TMF1: variants seen among roughly 807,000 people sequenced by gnomAD.
TMF1 encodes TATA element modulatory factor.
TMF1 carries 71 observed loss-of-function variants against 126.5 expected under a neutral mutation model. The observed-to-expected ratio is 0.56, with a 90% confidence interval of 0.46 to 0.68. The LOEUF is 0.68. TMF1 is among the 30% of genes least tolerant of loss of function. TMF1 has a pLI of 0.00. For missense variants in TMF1, 1,259 were observed against 1,253.2 expected, an observed-to-expected ratio of 1.00 and a Z score of -0.07; for synonymous variants, 461 against 430.5, an observed-to-expected ratio of 1.07 and a Z score of -0.88.
In TMF1 at chr3:69,044,551, CTG is replaced by C; in HGVS notation, c.1390_1391del (p.Gln464ValfsTer5). 1 of 1,609,616 alleles carries C rather than the reference CTG, an allele frequency of 6.2e-7. No homozygotes were observed. Among genetic ancestry groups the C allele is most frequent in the Non-Finnish European group, 8.5e-7 (1 of 1,178,818 alleles). ...CTTTTTCCTTACTAAGAGATAATAA[CTG>C]AGCCTCCCTTTTTTCCAGCTTTTCA... ...LNEKLEKREAQLLSLSKEKAL... is the reference protein window; with the variant it reads ...LNEKLEKREAXLLSLSKEKAL... On this transcript the variant is annotated frameshift_variant, in exon 3 of 17. Coordinates refer to ENST00000398559, the MANE Select transcript of TMF1 (RefSeq NM_007114.3). LOFTEE classifies it high-confidence loss of function.
Position 69,029,939 on chromosome 3 carries a change from T to C in TMF1, c.2470A>G (p.Asn824Asp), listed in dbSNP as rs1279202747. The C allele has an allele frequency of 6.2e-7, 1 of 1,614,182 alleles. No homozygotes were observed. Among genetic ancestry groups the C allele is most frequent in the Admixed American group, 1.7e-5 (1 of 60,026 alleles). Residue 824 changes from asparagine (N) to aspartate (D), a missense_variant, in exon 11 of 17, where the codon AAC becomes GAC. Transcript: ENST00000398559. ...TCCATGGAAGACATCTGAATTTTGTTAGCAAGGAGTTCTTCTGTAGCTGCA... is the reference window on the plus strand; with the variant it reads ...TCCATGGAAGACATCTGAATTTTGTCAGCAAGGAGTTCTTCTGTAGCTGCA... ...ERAATEELLA[N>D]KIQMSSMESQ...
At chr3:69,051,435 A>G (rs949389982) in intron 1 of TMF1, among the ~76,000 whole-genome samples, 2 of 152,162 alleles carry the variant, frequency 1.3e-5, no homozygotes, top group African/African-American at 4.8e-5. Context: ...AGATCGCGCC[A>G]CTGCACTCCA....
At chr3:69,045,030 A>C (rs1284103436) in intron 2 of TMF1, among the ~76,000 whole-genome samples, 1 of 152,240 alleles carries the variant, frequency 6.6e-6, no homozygotes, top group Non-Finnish European at 1.5e-5. Flanking sequence ...AGATGGATGC[A>C]ATCAAAAGAG....
rs1436633177 is a variant in TMF1 at position 69,048,058 on chromosome 3, T to C, written c.647A>G (p.Gln216Arg). 11 of 1,614,148 alleles carry C rather than the reference T, an allele frequency of 6.8e-6. No homozygotes were observed. The highest frequency in any genetic ancestry group is 9.3e-6 in the Non-Finnish European group (11 of 1,180,044). Reference protein sequence around the residue: ...TMESISNTSTQSLTAETKDIA... With the variant: ...TMESISNTSTRSLTAETKDIA... ...GTCCTTTGTTTCTGCTGTGAGAGAC[T>C]GCGTAGACGTATTAGATATACTTTC... The change falls in exon 2 of 17, where the codon CAG becomes CGG. Residue 216 changes from glutamine to arginine, a missense_variant. By Grantham distance (43) the Gln-to-Arg change is conservative. Transcript: ENST00000398559.
intron 8 of TMF1, among the ~76,000 whole-genome samples, chr3:69,037,567 G>A (rs2091839365): frequency 1.3e-5 from 2 of 152,238 alleles, no homozygotes; most frequent in South Asian, 4.1e-4. Flanking sequence ...ACTTGCACCT[G>A]GGAGGTGGAG....
chr3:69,047,633 T>A lies in TMF1; in HGVS notation c.1072A>T (p.Ile358Phe). The A allele has an allele frequency of 6.2e-7, 1 of 1,614,140 alleles. No individual in the cohort carries two copies. The highest frequency in any genetic ancestry group is 8.5e-7 in the Non-Finnish European group (1 of 1,180,028). Reference protein sequence around the residue: ...LSGKGYALVPIIVNSSTPKSK... With the variant: ...LSGKGYALVPFIVNSSTPKSK... ...TTTGGAGTTGAAGAATTAACTATAA[T>A]AGGCACTAAAGCATATCCCTTGCCT... The change falls in exon 2 of 17, where the codon ATT becomes TTT. Residue 358 changes from isoleucine (I) to phenylalanine (F), a missense_variant. Coordinates refer to ENST00000398559, the MANE Select transcript of TMF1 (RefSeq NM_007114.3).
In TMF1 at chr3:69,048,456, C is replaced by T; in HGVS notation, c.249G>A (p.Lys83=). The part of the protein sequence containing the change: ...PPIASPKAIT[K]PVRRTVVDES... Reference sequence around the variant, plus strand: ...CATCGACCACAGTCCTCCGAACTGGCTTTGTGATTGCTTTAGGAGAGGCTA... The same window carrying T: ...CATCGACCACAGTCCTCCGAACTGGTTTTGTGATTGCTTTAGGAGAGGCTA... Residue 83 remains lysine (K), a synonymous_variant, in exon 2 of 17, where the codon AAG becomes AAA. Coordinates refer to ENST00000398559, the MANE Select transcript of TMF1 (RefSeq NM_007114.3). The T allele has an allele frequency of 6.2e-7, 1 of 1,614,168 alleles. No homozygotes were observed. Among genetic ancestry groups the T allele is most frequent in the South Asian group, 1.1e-5 (1 of 91,084 alleles).
chr3:69,033,473 T>C (rs1575812254), intron 10 of TMF1, 75 bp downstream of exon 10: 1 of 1,463,076 alleles, frequency 6.8e-7, no homozygotes, highest in South Asian at 1.4e-5. Flanking sequence ...TGAATTTCAA[T>C]TTCATACCAT....
intron 1 of TMF1, 74 bp from the exon 2 acceptor site, chr3:69,048,636 A>T: frequency 1.5e-6 from 2 of 1,310,734 alleles, no homozygotes; most frequent in Non-Finnish European, 2.0e-6. Context: ...ATTATAAATC[A>T]GTATAAATAT....
At position 69,023,159 on chromosome 3, in the gene TMF1, G is replaced by A. The variant is rs1264687591; in HGVS notation, c.*18C>T. The A allele has an allele frequency of 4.4e-6, 7 of 1,601,154 alleles. No individual in the cohort carries two copies. Among genetic ancestry groups the A allele is most frequent in the African/African-American group, 1.3e-5 (1 of 74,416 alleles). ...TAAATGCTTACATTCAGTTTGATGGGAATTCAATTTTCACAAGTTAACTGA... is the reference window on the plus strand; with the variant it reads ...TAAATGCTTACATTCAGTTTGATGGAAATTCAATTTTCACAAGTTAACTGA... On this transcript the variant is annotated 3_prime_UTR_variant, in exon 17 of 17. Coordinates refer to ENST00000398559, the MANE Select transcript of TMF1 (RefSeq NM_007114.3).
intron 14 of TMF1, 39 bp downstream of exon 14, chr3:69,025,957 A>ATTC: frequency 6.7e-7 from 1 of 1,497,872 alleles, no homozygotes; most frequent in Non-Finnish European, 9.2e-7. Context: ...CTTTATTATT[A>ATTC]TTCTAAGAAC....
intron 1 of TMF1, chr3:69,049,009 CCCTA>C (rs1465866748): frequency 6.4e-6 from 1 of 155,896 alleles, no homozygotes; most frequent in Non-Finnish European, 1.4e-5. Flanking sequence ...AGAAAAATGA[CCCTA>C]CCTATTCAGT....
chr3:69,050,233 C>A (rs1298353721), intron 1 of TMF1, among the ~76,000 whole-genome samples: 1 of 148,518 alleles, frequency 6.7e-6, no homozygotes. Context: ...GCACTCCAGC[C>A]TGGATGACAG....
In TMF1 at chr3:69,052,095, C is replaced by T; in HGVS notation, c.-9G>A. ...GCGTTGAACCAACTCATCGCCCCTCCTCAGCCGGCAGTGGCGGCGGCAGCA... is the reference window on the plus strand; with the variant it reads ...GCGTTGAACCAACTCATCGCCCCTCTTCAGCCGGCAGTGGCGGCGGCAGCA... On this transcript the variant is annotated 5_prime_UTR_variant, in exon 1 of 17. Coordinates refer to ENST00000398559, the MANE Select transcript of TMF1 (RefSeq NM_007114.3). The T allele has an allele frequency of 6.2e-7, 1 of 1,605,880 alleles. No individual in the cohort carries two copies. Among genetic ancestry groups the T allele is most frequent in the East Asian group, 2.2e-5 (1 of 44,562 alleles).
rs1368322882 is a variant in TMF1 at position 69,023,083 on chromosome 3, T to C, written c.*94A>G. The stretch of plus-strand genomic sequence containing the variant: ...TTACACTCTACAGTAAATCCCACTT[T>C]CTAATTCTATAAAAGAATTTATTGG... On this transcript the variant is annotated 3_prime_UTR_variant, in exon 17 of 17. Transcript: ENST00000398559. 1 of 1,263,796 alleles carries C rather than the reference T, an allele frequency of 7.9e-7. No homozygotes were observed. The highest frequency in any genetic ancestry group is 1.1e-6 in the Non-Finnish European group (1 of 923,604). 78.3% of individuals were successfully genotyped at this position (1,263,796 alleles called of 1,614,324 possible).
At chr3:69,051,074 T>C (rs2091925296) in intron 1 of TMF1, among the ~76,000 whole-genome samples, 2 of 152,196 alleles carry the variant, frequency 1.3e-5, no homozygotes, top group Non-Finnish European at 2.9e-5. Context: ...CTAATCCTCC[T>C]CCGCCGTGTG....
At chr3:69,037,485 A>C (rs567177283) in intron 8 of TMF1, among the ~76,000 whole-genome samples, 1 of 152,118 alleles carries the variant, frequency 6.6e-6, no homozygotes, top group Non-Finnish European at 1.5e-5. Context: ...ACTAAAAAAA[A>C]ACAAAAATTA....
chr3:69,027,185 G>A (rs1488105311), intron 13 of TMF1, among the ~76,000 whole-genome samples: 1 of 151,934 alleles, frequency 6.6e-6, no homozygotes, highest in African/African-American at 2.4e-5. Flanking sequence ...TAGTAGAGAT[G>A]GGGTTTTGCC....
intron 9 of TMF1, 112 bp downstream of exon 9, chr3:69,034,911 G>T (rs2055685): frequency 6.4e-6 from 6 of 937,240 alleles, no homozygotes; most frequent in Non-Finnish European, 1.0e-5. Context: ...GCAAATGCTA[G>T]GTGTGACAGT....
Sources: allele counts gnomAD v4.1 joint callset (sites outside exome capture counted in the v4.1 genomes callset), GRCh38; gene constraint gnomAD v4.1.1; transcripts MANE v1.5; gene names NCBI Gene and HGNC (gene_info 2026-07-23, HGNC 2026-07-21).